The following FSHR variants were observed in gnomAD, a reference collection of about 807,000 sequenced individuals.
FSHR encodes the protein follicle stimulating hormone receptor.
Under a neutral mutation model 52.1 loss-of-function variants are expected in FSHR, and 46 were observed. The ratio of observed to expected loss-of-function variants is 0.88; its 90% CI spans 0.70 to 1.13. The LOEUF (loss-of-function observed/expected upper bound fraction) is 1.13, where lower values mean the gene tolerates loss of function less well. Ranked by LOEUF, FSHR falls within the 50% of genes most tolerant of loss-of-function variation. The pLI, the probability that FSHR is intolerant of heterozygous loss-of-function variation, is 0.00. For missense variants in FSHR, 964 were observed against 834.6 expected (o/e 1.16, Z -1.91); for synonymous variants, 399 against 309.6 (o/e 1.29, Z -3.03).
In FSHR at chr2:48,979,376, C is replaced by T. The variant is rs537283066; in HGVS notation, c.668+3536G>A. Among the ~76,000 whole-genome samples, 4 of 152,120 alleles carry T rather than the reference C, an allele frequency of 2.6e-5. No homozygotes were observed. In the South Asian group the frequency reaches 6.2e-4, roughly 24 times the overall value. On this transcript the variant is annotated intron_variant, in intron 8 of 9. Coordinates refer to ENST00000406846, the MANE Select transcript of FSHR (RefSeq NM_000145.4). ...GGATCACTAGAGCTCGGGAGTTTAA[C>T]GCTGCTGTCAGCTATGATGGCACCA...
chr2:49,100,837 A>C (rs1450192133), intron 1 of FSHR, among the ~76,000 whole-genome samples: 6 of 152,240 alleles, frequency 3.9e-5, no homozygotes, highest in Admixed American at 3.9e-4. Context: ...TAGTGAAAGA[A>C]GCACTGAGGA....
intron 2 of FSHR, among the ~76,000 whole-genome samples, chr2:49,059,200 T>C (rs910850098): frequency 6.6e-6 from 1 of 151,748 alleles, no homozygotes; most frequent in Non-Finnish European, 1.5e-5. Flanking sequence ...ACCTTGTCTC[T>C]AAAAATTAAA....
chr2:49,034,389 C>G (rs187898950), intron 2 of FSHR, among the ~76,000 whole-genome samples: 18 of 152,298 alleles, frequency 1.2e-4, no homozygotes, highest in African/African-American at 4.1e-4. Context: ...CCCAAATCTC[C>G]TCTATTAAGG....
chr2:49,154,352 G>T lies in FSHR; in HGVS notation c.66C>A (p.Ile22=), dbSNP rs780626964. ...LSLGSGCHHR[I]CHCSNRVFLC... is the part of the protein sequence containing the mutation. ...GAAAAACCCTGTTAGAGCAGTGACA[G>T]ATCCGATGATGACATCCTGAGCCCA... is the stretch of plus-strand genomic sequence containing the variant. Residue 22 remains isoleucine (I), a synonymous_variant, in exon 1 of 10, where the codon ATC becomes ATA. Coordinates refer to ENST00000406846, the MANE Select transcript of FSHR (RefSeq NM_000145.4). 1 of 1,613,720 alleles carries T rather than the reference G, an allele frequency of 6.2e-7. No individual in the cohort carries two copies. The highest frequency in any genetic ancestry group is 8.5e-7 in the Non-Finnish European group (1 of 1,179,924).
intron 1 of FSHR, among the ~76,000 whole-genome samples, chr2:49,131,490 T>C (rs1481595770): frequency 6.6e-6 from 1 of 152,216 alleles, no homozygotes; most frequent in African/African-American, 2.4e-5. Flanking sequence ...AATTGCAAAC[T>C]AAGGCAGAGT....
At chr2:49,056,445 AATATATATATATATATATATAT>A (rs70946848) in intron 2 of FSHR, among the ~76,000 whole-genome samples, 1,669 of 128,566 alleles carry the variant, frequency 0.013, 46 homozygotes, top group African/African-American at 0.048. Context: ...TTACAATTGG[AATATATATATATATATATATAT>A]ATATATATAT....
At chr2:49,142,482 G>C (rs1672722186) in intron 1 of FSHR, among the ~76,000 whole-genome samples, 2 of 152,182 alleles carry the variant, frequency 1.3e-5, no homozygotes, top group Non-Finnish European at 2.9e-5. Flanking sequence ...TTGTAGTCAT[G>C]GCAAAGCACA....
chr2:49,050,778 CAAAT>C (rs1452352967), intron 2 of FSHR, among the ~76,000 whole-genome samples: 1 of 152,108 alleles, frequency 6.6e-6, no homozygotes, highest in Non-Finnish European at 1.5e-5. Flanking sequence ...TATAATTTGA[CAAAT>C]AATAAAATGC....
At chr2:49,003,424 C>G (rs1666974696) in intron 4 of FSHR, among the ~76,000 whole-genome samples, 1 of 152,122 alleles carries the variant, frequency 6.6e-6, no homozygotes, top group Non-Finnish European at 1.5e-5. Flanking sequence ...CCGTCCTGAT[C>G]TGGCTGACTT....
At chr2:49,116,991 G>A (rs1464170498) in intron 1 of FSHR, among the ~76,000 whole-genome samples, 2 of 152,194 alleles carry the variant, frequency 1.3e-5, no homozygotes, top group Non-Finnish European at 2.9e-5. Flanking sequence ...CCAAGCTTGG[G>A]AGAGGGAAGC....
chr2:49,099,013 A>G lies in FSHR; in HGVS notation c.153-30723T>C, dbSNP rs534249685. The stretch of plus-strand genomic sequence containing the variant: ...ACTTGGCGATTCATTTGAATATGGT[A>G]AGTGTGGAAGAAAGAAGAATCACAC... On this transcript the variant is annotated intron_variant, in intron 1 of 9. Coordinates refer to ENST00000406846, the MANE Select transcript of FSHR (RefSeq NM_000145.4). Among the ~76,000 whole-genome samples the G allele has an allele frequency of 5.9e-5, 9 of 151,750 alleles. 1 individual carries two copies. In the South Asian group the frequency reaches 1.9e-3, roughly 31 times the overall value.
In FSHR at chr2:49,068,214, C is replaced by T; in HGVS notation, c.224+5G>A. The T allele has an allele frequency of 6.2e-7, 1 of 1,608,802 alleles. No homozygotes were observed. Among genetic ancestry groups the T allele is most frequent in the Non-Finnish European group, 8.5e-7 (1 of 1,177,020 alleles). On this transcript the variant is annotated splice_donor_5th_base_variant and intron_variant, in intron 2 of 9. Coordinates refer to ENST00000406846, the MANE Select transcript of FSHR (RefSeq NM_000145.4). The stretch of plus-strand genomic sequence containing the variant: ...CATTCACTCACAGCAGTGCTAGGTA[C>T]ATACATTTTCTCCAGGTCCCCAAAT...
At chr2:49,062,613 G>A (rs188189308) in intron 2 of FSHR, among the ~76,000 whole-genome samples, 15 of 152,066 alleles carry the variant, frequency 9.9e-5, no homozygotes, top group Admixed American at 2.0e-4. Context: ...GGAAACAACC[G>A]AGTGAAGAGC....
intron 2 of FSHR, among the ~76,000 whole-genome samples, chr2:49,040,869 A>G (rs1383414708): frequency 6.6e-6 from 1 of 152,194 alleles, no homozygotes; most frequent in Non-Finnish European, 1.5e-5. Context: ...ATTTCCTGAC[A>G]TGGCCTTAAA....
chr2:49,122,022 C>A (rs540167351), intron 1 of FSHR, among the ~76,000 whole-genome samples: 2 of 152,272 alleles, frequency 1.3e-5, no homozygotes, highest in African/African-American at 4.8e-5. Flanking sequence ...ACATGCATGC[C>A]ACTACAAATT....
chr2:48,991,116 C>G (rs1442731526), intron 4 of FSHR, among the ~76,000 whole-genome samples: 1 of 152,078 alleles, frequency 6.6e-6, no homozygotes, highest in Non-Finnish European at 1.5e-5. Flanking sequence ...CTCCTGGGAA[C>G]TGGTTAGAGG....
At chr2:48,964,660 A>C (rs1012134256) in intron 9 of FSHR, among the ~76,000 whole-genome samples, 1 of 152,162 alleles carries the variant, frequency 6.6e-6, no homozygotes, top group African/African-American at 2.4e-5. Flanking sequence ...AGTGCCCCAA[A>C]GAACAATGCA....
At chr2:49,052,476 A>G (rs1668899588) in intron 2 of FSHR, among the ~76,000 whole-genome samples, 1 of 152,236 alleles carries the variant, frequency 6.6e-6, no homozygotes, top group African/African-American at 2.4e-5. Context: ...AGCTTTAAAA[A>G]ATGATTAATG....
chr2:49,099,547 T>C (rs1463561948), intron 1 of FSHR, among the ~76,000 whole-genome samples: 1 of 152,008 alleles, frequency 6.6e-6, no homozygotes, highest in African/African-American at 2.4e-5. Flanking sequence ...AAATAGGGTG[T>C]TTGCAAATAT....
Sources: gnomAD v4.1 joint callset for allele counts (sites outside exome capture counted in the v4.1 genomes callset) on GRCh38, gnomAD v4.1.1 for gene constraint, MANE v1.5 for transcripts, NCBI Gene and HGNC (gene_info 2026-07-23, HGNC 2026-07-21) for gene names.